The following SPTY2D1 variants were observed in gnomAD, a reference collection of about 807,000 sequenced individuals.
SPTY2D1 encodes the protein SPT2 chromatin protein domain containing 1.
In SPTY2D1, 21 loss-of-function variants were observed where a neutral mutation model predicts 64.0. That is an observed-to-expected ratio of 0.33 (90% CI 0.23 to 0.47). The LOEUF is 0.47. SPTY2D1 is among the 20% of genes least tolerant of loss of function. The probability of loss-of-function intolerance (pLI) is 1.00; values close to 1 mark genes in which losing one functional copy is unlikely to be tolerated. For synonymous variants in SPTY2D1, 287 were observed against 286.8 expected (o/e 1.00, Z -0.01); for missense variants, 724 against 837.2 (o/e 0.86, Z 1.67).
intron 1 of SPTY2D1, among the ~76,000 whole-genome samples, chr11:18,629,482 G>A (rs1191907139): frequency 2.6e-5 from 4 of 152,044 alleles, no homozygotes; most frequent in South Asian, 2.1e-4. Flanking sequence ...CAGCCTGGGC[G>A]ACAGAGTGAG....
Position 18,615,838 on chromosome 11 carries a change from C to T in SPTY2D1, c.436G>A (p.Glu146Lys). The T allele has an allele frequency of 6.2e-7, 1 of 1,614,024 alleles. No individual in the cohort carries two copies. Reference protein sequence around the residue: ...HAESEQEYEEEQEPPKVESKP... With the variant: ...HAESEQEYEEKQEPPKVESKP... ...CTTTCAACTTTGGGAGGTTCTTGCT[C>T]TTCCTCATACTCCTGCTCTGACTCT... Residue 146 changes from glutamate (E) to lysine (K), a missense_variant, in exon 3 of 6, where the codon GAG (glutamate) becomes AAG (lysine). Physicochemically the swap from Glu to Lys is moderately conservative, Grantham distance 56. This residue lies in a region of SPTY2D1 where 179 missense variants were observed against 232.5 expected (regional missense o/e 0.77). Coordinates refer to ENST00000336349, the MANE Select transcript of SPTY2D1 (RefSeq NM_194285.3).
At chr11:18,617,084 G>T in intron 1 of SPTY2D1, 95 bp from the exon 2 acceptor site, 1 of 959,374 alleles carries the variant, frequency 1.0e-6, no homozygotes, top group Non-Finnish European at 1.6e-6. Flanking sequence ...AGGTATAAAT[G>T]TTAACTGTGA....
rs966507052 is a variant in SPTY2D1, at chr11:18,620,661, C to T, written c.61-3672G>A. 7.3e-5 allele frequency among the ~76,000 whole-genome samples: 11 copies of T among 151,176 alleles called. 1 individual carries two copies. Among genetic ancestry groups the T allele is most frequent in the Non-Finnish European group, 5.9e-5 (4 of 67,820 alleles). On this transcript the variant is annotated intron_variant, in intron 1 of 5. Coordinates refer to ENST00000336349, the MANE Select transcript of SPTY2D1 (RefSeq NM_194285.3). Reference sequence around the variant, plus strand: ...CAGCACTTTGGGAGGCCAAGGCGGGCGGATCATGAGGTCAGGAGATTGAGA... The same window carrying T: ...CAGCACTTTGGGAGGCCAAGGCGGGTGGATCATGAGGTCAGGAGATTGAGA...
intron 5 of SPTY2D1, 105 bp from the exon 6 acceptor site, chr11:18,610,059 G>T: frequency 1.0e-6 from 1 of 1,001,380 alleles, no homozygotes; most frequent in Non-Finnish European, 1.5e-6. Flanking sequence ...TTGTGCTGAT[G>T]CTCTCAAAAT....
intron 5 of SPTY2D1, among the ~76,000 whole-genome samples, chr11:18,610,980 A>G (rs867765214): frequency 6.6e-6 from 1 of 152,206 alleles, no homozygotes; most frequent in Non-Finnish European, 1.5e-5. Context: ...TAAATGAGTA[A>G]AACAGTATAT....
In SPTY2D1 at chr11:18,622,907, G is replaced by A. The variant is rs1015914719; in HGVS notation, c.61-5918C>T. Among the ~76,000 whole-genome samples the A allele has an allele frequency of 7.2e-5, 11 of 151,962 alleles. No homozygotes were observed. In the South Asian group the frequency reaches 1.0e-3, roughly 14 times the overall value. ...GTGGAGGTTGCAGTGAGCTGAGATCGCGCCACTGTACTCCAGCCTGGGCAA... is the reference window on the plus strand; with the variant it reads ...GTGGAGGTTGCAGTGAGCTGAGATCACGCCACTGTACTCCAGCCTGGGCAA... On this transcript the variant is annotated intron_variant, in intron 1 of 5. Transcript: ENST00000336349.
intron 3 of SPTY2D1, among the ~76,000 whole-genome samples, chr11:18,613,058 C>G (rs551449552): frequency 2.6e-5 from 4 of 152,062 alleles, no homozygotes; most frequent in Non-Finnish European, 5.9e-5. Context: ...CCACCGCGCC[C>G]GGCCAAAATC....
chr11:18,634,329 A>G lies in SPTY2D1; in HGVS notation c.-72T>C. 1 of 1,537,882 alleles carries G rather than the reference A, an allele frequency of 6.5e-7. No individual in the cohort carries two copies. The highest frequency in any genetic ancestry group is 9.0e-7 in the Non-Finnish European group (1 of 1,114,580). Reference sequence around the variant, plus strand: ...GACAGCGCACCTAACCGAGGCGCCCAGCTACAGCCAACTGCACTGCCTCGG... The same window carrying G: ...GACAGCGCACCTAACCGAGGCGCCCGGCTACAGCCAACTGCACTGCCTCGG... On this transcript the variant is annotated 5_prime_UTR_variant, in exon 1 of 6. Transcript: ENST00000336349.
rs1020765510 is a variant in SPTY2D1, at chr11:18,626,724, A to G, written c.60+7474T>C. ...TATTATGATGATTAAATTAATATATAAAGTGCTTAGAACAGTGCCTGGCAC... is the reference window on the plus strand; with the variant it reads ...TATTATGATGATTAAATTAATATATGAAGTGCTTAGAACAGTGCCTGGCAC... On this transcript the variant is annotated intron_variant, in intron 1 of 5. Coordinates refer to ENST00000336349, the MANE Select transcript of SPTY2D1 (RefSeq NM_194285.3). Among the ~76,000 whole-genome samples the G allele has an allele frequency of 1.4e-4, 22 of 152,362 alleles. No homozygotes were observed. The East Asian group carries it at 2.1e-3, about 15-fold the overall frequency.
chr11:18,613,613 T>C (rs1381272242), intron 3 of SPTY2D1, among the ~76,000 whole-genome samples: 2 of 152,210 alleles, frequency 1.3e-5, no homozygotes, highest in Non-Finnish European at 2.9e-5. Context: ...AAAATTGCCC[T>C]TGTTAAGAAT....
At chr11:18,620,946 A>C (rs533986016) in intron 1 of SPTY2D1, among the ~76,000 whole-genome samples, 2 of 152,088 alleles carry the variant, frequency 1.3e-5, no homozygotes, top group African/African-American at 4.8e-5. Context: ...AAAATGTAGA[A>C]ATATTTTAAA....
chr11:18,624,210 GA>G lies in SPTY2D1; in HGVS notation c.61-7222del, dbSNP rs34579834. Among the ~76,000 whole-genome samples, 837 of 141,972 alleles carry G rather than the reference GA, an allele frequency of 5.9e-3. 10 individuals are homozygous for G. Among genetic ancestry groups the G allele is most frequent in the African/African-American group, 0.019 (719 of 37,800 alleles). The allele number at this position is 141,972 out of a possible 152,430, so 93.1% of individuals were successfully genotyped here. On this transcript the variant is annotated intron_variant, in intron 1 of 5. Coordinates refer to ENST00000336349, the MANE Select transcript of SPTY2D1 (RefSeq NM_194285.3). Reference sequence around the variant, plus strand: ...TGGAGAAACATTTTTAAAAAGAGAGGAAAAAAAAAAAAAAGCTTCAGGCTGG... The same window carrying G: ...TGGAGAAACATTTTTAAAAAGAGAGGAAAAAAAAAAAAAGCTTCAGGCTGG...
At chr11:18,613,876 T>C (rs1218863550) in intron 3 of SPTY2D1, among the ~76,000 whole-genome samples, 3 of 152,156 alleles carry the variant, frequency 2.0e-5, no homozygotes, top group African/African-American at 7.2e-5. Context: ...AAACAGTTCC[T>C]GGCACATAAT....
At chr11:18,623,326 A>G (rs904570178) in intron 1 of SPTY2D1, among the ~76,000 whole-genome samples, 37 of 152,198 alleles carry the variant, frequency 2.4e-4, no homozygotes, top group African/African-American at 7.7e-4. Context: ...AAAATCTCTT[A>G]GCTTTAGCAA....
intron 4 of SPTY2D1, 151 bp from the exon 5 acceptor site, chr11:18,611,705 G>A: frequency 1.4e-6 from 1 of 692,234 alleles, no homozygotes; most frequent in South Asian, 1.9e-5. Flanking sequence ...TGAGGGGAGT[G>A]GAGGATGGAT....
Position 18,612,881 on chromosome 11 carries a change from CAGCCTCCCG to C in SPTY2D1, c.1712-402_1712-394del, listed in dbSNP as rs1854229609. Among the ~76,000 whole-genome samples, 1 of 152,002 alleles carries C rather than the reference CAGCCTCCCG, an allele frequency of 6.6e-6. No homozygotes were observed. Among genetic ancestry groups the C allele is most frequent in the African/African-American group, 2.4e-5 (1 of 41,362 alleles). On this transcript the variant is annotated intron_variant, in intron 3 of 5. Transcript: ENST00000336349. This position sits in a 1 kb window ranked among gnomAD's most constrained non-coding sequence, Gnocchi z 4.6. ...CCAGGTTCAAGCAATTCTCCTGCCT[CAGCCTCCCG>C]AGTAGCTGGGATTATAGGCATGTGC...
In SPTY2D1 at chr11:18,609,890, G is replaced by C. The variant is rs947070951; in HGVS notation, c.2029C>G (p.Arg677Gly). 6.2e-7 allele frequency: 1 copy of C among 1,614,116 alleles called. No individual in the cohort carries two copies. Among genetic ancestry groups the C allele is most frequent in the Non-Finnish European group, 8.5e-7 (1 of 1,180,026 alleles). ...CGCCTCTTCAGCTTCTTGGCCCTTC[G>C]ACGTTGCATTTCTTCTTCTTCACGT... ...MRREEEEMQRRRAKKLKRR is the reference protein window; with the variant it reads ...MRREEEEMQRGRAKKLKRR Residue 677 changes from arginine to glycine, a missense_variant, in exon 6 of 6, where the codon CGA becomes GGA. Arg to Gly is a moderately radical substitution (Grantham distance 125). Around this residue, in one of 3 missense-constraint regions of SPTY2D1, gnomAD observed 119 missense variants for 172.9 expected, o/e 0.69. Coordinates refer to ENST00000336349, the MANE Select transcript of SPTY2D1 (RefSeq NM_194285.3).
At chr11:18,630,749 TA>T (rs1854574374) in intron 1 of SPTY2D1, among the ~76,000 whole-genome samples, 2 of 152,204 alleles carry the variant, frequency 1.3e-5, no homozygotes, top group African/African-American at 4.8e-5. Flanking sequence ...TCAGATCAAT[TA>T]ATCAAGTAAA....
At chr11:18,620,758 G>A (rs539362892) in intron 1 of SPTY2D1, among the ~76,000 whole-genome samples, 7 of 151,352 alleles carry the variant, frequency 4.6e-5, no homozygotes, top group African/African-American at 1.7e-4. Context: ...GTGGTGGTGG[G>A]CACCTGTAGT....
Sources: allele counts gnomAD v4.1 joint callset (sites outside exome capture counted in the v4.1 genomes callset), GRCh38; gene constraint gnomAD v4.1.1; regional missense constraint gnomAD v4.1.1; non-coding constraint Gnocchi (gnomAD v3.1); transcripts MANE v1.5; gene names NCBI Gene and HGNC (gene_info 2026-07-23, HGNC 2026-07-21).